Variants in CASQ2 observed in about 807,000 individuals in gnomAD.
The protein encoded by CASQ2 is calsequestrin-2.
CASQ2 carries 49 observed loss-of-function variants against 46.5 expected under a neutral mutation model. The ratio of observed to expected loss-of-function variants is 1.05; its 90% CI spans 0.84 to 1.34. CASQ2 has a LOEUF of 1.34. Among genes scored for constraint, CASQ2 ranks in the 40% most tolerant of loss-of-function variants. CASQ2 has a pLI of 0.00. For synonymous variants in CASQ2, 174 were observed against 168.5 expected (o/e 1.03, Z -0.25); for missense variants, 486 against 481.3 (o/e 1.01, Z -0.09).
chr1:115,731,411 A>C (rs1647778971), intron 5 of CASQ2, among the ~76,000 whole-genome samples: 1 of 152,214 alleles, frequency 6.6e-6, no homozygotes, highest in African/African-American at 2.4e-5. Flanking sequence ...CACCTAGTCC[A>C]TTAGAACCAA....
intron 4 of CASQ2, 60 bp from the exon 5 acceptor site, chr1:115,733,034 T>G: frequency 8.1e-7 from 1 of 1,229,632 alleles, no homozygotes; most frequent in Non-Finnish European, 1.2e-6. Flanking sequence ...AGAAGAATCT[T>G]CTTTTTAAAT....
chr1:115,759,789 C>T (rs1293943628), intron 1 of CASQ2, among the ~76,000 whole-genome samples: 2 of 152,176 alleles, frequency 1.3e-5, no homozygotes, highest in Non-Finnish European at 2.9e-5. Context: ...ATCCCACTTC[C>T]ATCTACCTTC....
chr1:115,759,874 T>C (rs1648880303), intron 1 of CASQ2, among the ~76,000 whole-genome samples: 1 of 152,226 alleles, frequency 6.6e-6, no homozygotes, highest in African/African-American at 2.4e-5. Flanking sequence ...GCATGTCTTC[T>C]CTTTCTGAAG....
chr1:115,738,433 G>T, intron 3 of CASQ2, 98 bp from the exon 4 acceptor site: 1 of 828,334 alleles, frequency 1.2e-6, no homozygotes, highest in Non-Finnish European at 2.1e-6. Context: ...AGCGGACTTT[G>T]TGGTTGGTGC....
chr1:115,759,949 C>T (rs1648882651), intron 1 of CASQ2, among the ~76,000 whole-genome samples: 1 of 152,170 alleles, frequency 6.6e-6, no homozygotes, highest in Admixed American at 6.5e-5. Context: ...CTTTAAAAGC[C>T]AGGCAATTCA....
chr1:115,759,539 A>C (rs931960215), intron 1 of CASQ2, among the ~76,000 whole-genome samples: 2 of 152,222 alleles, frequency 1.3e-5, no homozygotes, highest in Admixed American at 6.5e-5. Flanking sequence ...CTTTCCAGCC[A>C]CTAGAATCAT....
intron 1 of CASQ2, among the ~76,000 whole-genome samples, chr1:115,749,885 C>A (rs145908665): frequency 5.9e-5 from 9 of 152,332 alleles, no homozygotes; most frequent in Non-Finnish European, 1.3e-4. Flanking sequence ...GGCTGCAGAG[C>A]GCAGCTCCAT....
intron 7 of CASQ2, among the ~76,000 whole-genome samples, chr1:115,722,153 T>C (rs1391467173): frequency 3.9e-5 from 6 of 152,110 alleles, no homozygotes; most frequent in Admixed American, 3.9e-4. Context: ...CTGGTTAGGG[T>C]TCCTGGGTAA....
chr1:115,762,288 A>G (rs1397566893), intron 1 of CASQ2, among the ~76,000 whole-genome samples: 1 of 152,216 alleles, frequency 6.6e-6, no homozygotes, highest in Admixed American at 6.5e-5. Flanking sequence ...TTATCCATAC[A>G]TTCAATGATA....
At chr1:115,702,819 G>A in intron 10 of CASQ2, 102 bp downstream of exon 10, 1 of 929,986 alleles carries the variant, frequency 1.1e-6, no homozygotes, top group Non-Finnish European at 1.7e-6. Context: ...GCCCTCTTCT[G>A]AAAAGGCTGG....
At chr1:115,721,854 A>G (rs1647389003) in intron 7 of CASQ2, among the ~76,000 whole-genome samples, 1 of 152,198 alleles carries the variant, frequency 6.6e-6, no homozygotes, top group African/African-American at 2.4e-5. Flanking sequence ...TATAGACATG[A>G]GCCACCTTGC....
At chr1:115,736,496 G>A (rs945892613) in intron 4 of CASQ2, among the ~76,000 whole-genome samples, 2 of 151,760 alleles carry the variant, frequency 1.3e-5, no homozygotes, top group African/African-American at 4.8e-5. Flanking sequence ...AATTAGCCAG[G>A]CGTGGTGGCG....
chr1:115,735,247 T>C (rs1270279141), intron 4 of CASQ2, among the ~76,000 whole-genome samples: 1 of 152,262 alleles, frequency 6.6e-6, no homozygotes, highest in Non-Finnish European at 1.5e-5. Context: ...CAAACCTGTA[T>C]AACTCCTTCT....
At chr1:115,715,013 T>C (rs908509609) in intron 8 of CASQ2, among the ~76,000 whole-genome samples, 3 of 152,222 alleles carry the variant, frequency 2.0e-5, no homozygotes, top group African/African-American at 7.2e-5. Flanking sequence ...CTTTGTTCTA[T>C]TGTTCCAAAG....
At chr1:115,734,365 A>C (rs1048912161) in intron 4 of CASQ2, among the ~76,000 whole-genome samples, 2 of 152,134 alleles carry the variant, frequency 1.3e-5, no homozygotes, top group Admixed American at 6.5e-5. Context: ...CTTCCCCTCC[A>C]TGAACTCCCA....
intron 4 of CASQ2, among the ~76,000 whole-genome samples, chr1:115,736,919 T>C (rs1010428508): frequency 1.3e-5 from 2 of 152,150 alleles, no homozygotes; most frequent in African/African-American, 2.4e-5. Context: ...TGAAATGTGT[T>C]AATTAAATAC....
intron 8 of CASQ2, among the ~76,000 whole-genome samples, chr1:115,712,396 A>G (rs1654575197): frequency 1.3e-5 from 2 of 152,170 alleles, no homozygotes; most frequent in Admixed American, 1.3e-4. Flanking sequence ...TGTGATGAAG[A>G]GAAGCTTAAG....
intron 1 of CASQ2, among the ~76,000 whole-genome samples, chr1:115,758,319 T>C (rs1648829782): frequency 1.3e-5 from 2 of 152,228 alleles, no homozygotes. Context: ...ATTGGCATGG[T>C]TTATGGTAAG....
At position 115,710,459 on chromosome 1, in the gene CASQ2, T is replaced by G. The variant is rs925425084; in HGVS notation, c.839-5167A>C. On this transcript the variant is annotated intron_variant, in intron 8 of 10. Coordinates refer to ENST00000261448, the MANE Select transcript of CASQ2 (RefSeq NM_001232.4). ...CTCCTACCCTCTGAGGTCTCTGCACTCCTACCAATGTTGCTGCCATCTTCC... is the reference window on the plus strand; with the variant it reads ...CTCCTACCCTCTGAGGTCTCTGCACGCCTACCAATGTTGCTGCCATCTTCC... 2.1e-4 allele frequency among the ~76,000 whole-genome samples: 32 copies of G among 152,202 alleles called. 1 individual carries two copies.
Sources: gnomAD v4.1 joint callset for allele counts (sites outside exome capture counted in the v4.1 genomes callset) on GRCh38, gnomAD v4.1.1 for gene constraint, MANE v1.5 for transcripts, NCBI Gene and HGNC (gene_info 2026-07-23, HGNC 2026-07-21) for gene names.